ATP2B2: variants seen among roughly 807,000 people sequenced by gnomAD.
ATP2B2 encodes ATPase plasma membrane Ca2+ transporting 2, also known as plasma membrane calcium-transporting ATPase 2.
A neutral mutation model predicts 120.0 loss-of-function variants in ATP2B2; 15 were observed. The ratio of observed to expected loss-of-function variants is 0.12; its 90% CI spans 0.08 to 0.19. The LOEUF is 0.19. Among genes scored for constraint, ATP2B2 ranks in the 10% least tolerant of loss-of-function variants. The probability of loss-of-function intolerance (pLI) is 1.00; values close to 1 mark genes in which losing one functional copy is unlikely to be tolerated. For synonymous variants in ATP2B2, 694 were observed against 700.3 expected, an observed-to-expected ratio of 0.99 and a Z score of 0.14; for missense variants, 1,045 against 1,719.8, an observed-to-expected ratio of 0.61 and a Z score of 6.94.
intron 13 of ATP2B2, 54 bp downstream of exon 13, chr3:10,359,828 A>G (rs1033688340): frequency 1.2e-6 from 2 of 1,612,132 alleles, no homozygotes; most frequent in African/African-American, 2.7e-5. Context: ...TGACATCCCC[A>G]GCTCCCTGCA....
intron 2 of ATP2B2, among the ~76,000 whole-genome samples, chr3:10,554,152 C>T (rs2067730104): frequency 2.6e-5 from 4 of 152,138 alleles, no homozygotes; most frequent in Admixed American, 2.0e-4. Flanking sequence ...TGGCGCTTGA[C>T]CCTTTGTAAC....
intron 3 of ATP2B2, among the ~76,000 whole-genome samples, chr3:10,523,370 A>G (rs2067023439): frequency 6.6e-6 from 1 of 152,202 alleles, no homozygotes; most frequent in Admixed American, 6.5e-5. Context: ...GTTTCTCCTG[A>G]ACATGTCCCC....
intron 5 of ATP2B2, among the ~76,000 whole-genome samples, chr3:10,390,278 G>A: frequency 6.6e-6 from 1 of 152,076 alleles, no homozygotes; most frequent in Non-Finnish European, 1.5e-5. Flanking sequence ...CTGTGTTTTG[G>A]TTTGCCTCAG....
intron 1 of ATP2B2, among the ~76,000 whole-genome samples, chr3:10,678,152 T>C (rs1327410309): frequency 6.6e-6 from 1 of 152,226 alleles, no homozygotes. Flanking sequence ...ACTGGGATCG[T>C]AAAAAATGTT....
chr3:10,515,318 G>A (rs77253215), intron 3 of ATP2B2, among the ~76,000 whole-genome samples: 11,532 of 152,248 alleles, frequency 0.076, 485 homozygotes, highest in Middle Eastern at 0.14. Flanking sequence ...TGTCTAGCTT[G>A]CTTTTTCATC....
chr3:10,701,745 T>A (rs2071822529), intron 1 of ATP2B2, among the ~76,000 whole-genome samples: 1 of 152,110 alleles, frequency 6.6e-6, no homozygotes, highest in South Asian at 2.1e-4. Flanking sequence ...CGTATGCCCC[T>A]GCGAAATGCC....
At chr3:10,437,617 G>A (rs115224863) in intron 2 of ATP2B2, among the ~76,000 whole-genome samples, 168 of 152,338 alleles carry the variant, frequency 1.1e-3, no homozygotes, top group African/African-American at 3.9e-3. Flanking sequence ...TTGCTGTCCT[G>A]TTCATGTCCC....
At chr3:10,699,025 T>G (rs923866207) in intron 1 of ATP2B2, among the ~76,000 whole-genome samples, 11 of 152,228 alleles carry the variant, frequency 7.2e-5, no homozygotes, top group African/African-American at 2.4e-4. Context: ...CCTCCCTCTC[T>G]TCTACTTCCT....
At position 10,345,921 on chromosome 3, in the gene ATP2B2, A is replaced by G. The variant is rs1243005415; in HGVS notation, c.2511+110T>C. 2.6e-6 allele frequency: 3 copies of G among 1,132,852 alleles called. No homozygotes were observed. In the East Asian group the frequency reaches 7.7e-5, roughly 29 times the overall value. 70.2% of individuals were successfully genotyped at this position (1,132,852 alleles called of 1,614,324 possible). A position where few individuals can be genotyped will look rare whatever the true frequency, so the allele number is the denominator to read the frequency against. ...CGAGAAGGGTGGGCACCCACGGCAG[A>G]TGGCGGGTGGGCCAAGTGTGAACTG... is the stretch of plus-strand genomic sequence containing the variant. On this transcript the variant is annotated intron_variant, in intron 17 of 22. Transcript: ENST00000360273.
chr3:10,673,247 C>A (rs923497593), intron 1 of ATP2B2, among the ~76,000 whole-genome samples: 2 of 152,140 alleles, frequency 1.3e-5, no homozygotes, highest in Non-Finnish European at 2.9e-5. Flanking sequence ...AGAGCTGGAA[C>A]CTGACATCCA....
intron 7 of ATP2B2, 91 bp downstream of exon 7, chr3:10,386,389 C>T (rs1329635904): frequency 7.0e-6 from 10 of 1,437,586 alleles, no homozygotes; most frequent in Non-Finnish European, 9.8e-6. Context: ...CCTCCTCCAG[C>T]TGTGTGCTGG....
intron 2 of ATP2B2, among the ~76,000 whole-genome samples, chr3:10,587,300 G>T (rs914088223): frequency 6.7e-6 from 1 of 150,184 alleles, no homozygotes; most frequent in African/African-American, 2.5e-5. Context: ...ATGAGACCCT[G>T]TCTCAATATA....
At chr3:10,608,965 AC>A in intron 2 of ATP2B2, among the ~76,000 whole-genome samples, 1 of 151,874 alleles carries the variant, frequency 6.6e-6, no homozygotes, top group African/African-American at 2.4e-5. Flanking sequence ...AAGTCCTATA[AC>A]CCCCTTGCCT....
chr3:10,441,437 A>G (rs1379833143), intron 2 of ATP2B2, among the ~76,000 whole-genome samples: 2 of 152,070 alleles, frequency 1.3e-5, no homozygotes, highest in East Asian at 3.9e-4. Flanking sequence ...ATGGGGTTCC[A>G]CCATGTTGGC....
chr3:10,457,421 C>T (rs917017857), intron 1 of ATP2B2, among the ~76,000 whole-genome samples: 18 of 152,146 alleles, frequency 1.2e-4, no homozygotes, highest in East Asian at 5.8e-4. Context: ...TCTTAGAGTA[C>T]GCCTGTAAGT....
At position 10,673,915 on chromosome 3, in the gene ATP2B2, T is replaced by C. The variant is rs1380045649; in HGVS notation, c.-460+34000A>G. Among the ~76,000 whole-genome samples, 8 of 149,916 alleles carry C rather than the reference T, an allele frequency of 5.3e-5. No individual in the cohort carries two copies. In the East Asian group the frequency reaches 1.6e-3, roughly 29 times the overall value. On this transcript the variant is annotated intron_variant, in intron 1 of 21. Transcript: ENST00000646379. ...ACATATGAAAGAGAACATACAAAAATGATGGTATCAGGGTGGAGGTCAGAA... is the reference window on the plus strand; with the variant it reads ...ACATATGAAAGAGAACATACAAAAACGATGGTATCAGGGTGGAGGTCAGAA...
intron 12 of ATP2B2, among the ~76,000 whole-genome samples, chr3:10,366,023 C>T (rs932583431): frequency 2.0e-5 from 3 of 152,130 alleles, no homozygotes; most frequent in Admixed American, 6.5e-5. Context: ...GACACCCAGG[C>T]CCCTGCTGTT....
intron 1 of ATP2B2, among the ~76,000 whole-genome samples, chr3:10,481,784 C>T (rs1351441593): frequency 6.6e-6 from 1 of 152,188 alleles, no homozygotes; most frequent in Non-Finnish European, 1.5e-5. Context: ...AAACTCCTGA[C>T]CTCAGGTGAT....
intron 2 of ATP2B2, among the ~76,000 whole-genome samples, chr3:10,589,019 G>A (rs778998778): frequency 3.5e-4 from 53 of 152,286 alleles, no homozygotes; most frequent in Middle Eastern, 3.4e-3. Flanking sequence ...TAAACTGGGC[G>A]GGCGGCAAGA....
Sources: allele counts gnomAD v4.1 joint callset (sites outside exome capture counted in the v4.1 genomes callset), GRCh38; gene constraint gnomAD v4.1.1; transcripts MANE v1.5; gene names NCBI Gene and HGNC (gene_info 2026-07-23, HGNC 2026-07-21).